Variants in PRKCA observed in about 807,000 individuals in gnomAD.
PRKCA encodes protein kinase C alpha.
PRKCA carries 27 observed loss-of-function variants against 87.0 expected under a neutral mutation model. The observed-to-expected ratio is 0.31, with a 90% CI of 0.23 to 0.43. PRKCA has a LOEUF of 0.43. Ranked by LOEUF, PRKCA falls within the 20% of genes least tolerant of loss-of-function variation. The probability of loss-of-function intolerance (pLI) is 1.00; values close to 1 mark genes in which losing one functional copy is unlikely to be tolerated. For synonymous variants in PRKCA, 329 were observed against 311.1 expected (o/e 1.06, Z -0.61); for missense variants, 518 against 852.3 (o/e 0.61, Z 4.88).
chr17:66,732,865 A>G (rs1161657099), intron 9 of PRKCA, 40 bp downstream of exon 9: 1 of 1,593,440 alleles, frequency 6.3e-7, no homozygotes, highest in African/African-American at 1.4e-5. Flanking sequence ...GGGCTTCTGC[A>G]GAGAATGTCG....
chr17:66,334,748 A>G (rs1228830107), intron 2 of PRKCA, among the ~76,000 whole-genome samples: 1 of 152,166 alleles, frequency 6.6e-6, no homozygotes, highest in African/African-American at 2.4e-5. Context: ...CAGCAATTCC[A>G]CTTCTGGGTA....
At chr17:66,442,491 C>T (rs1488155097) in intron 2 of PRKCA, among the ~76,000 whole-genome samples, 1 of 152,124 alleles carries the variant, frequency 6.6e-6, no homozygotes, top group African/African-American at 2.4e-5. Flanking sequence ...CCCACGCTTT[C>T]TGCCTGTAAT....
chr17:66,756,486 T>C (rs977185469), intron 13 of PRKCA, among the ~76,000 whole-genome samples: 1 of 152,040 alleles, frequency 6.6e-6, no homozygotes, highest in African/African-American at 2.4e-5. Flanking sequence ...AAGGTTCATG[T>C]ACTACAGTTC....
intron 13 of PRKCA, among the ~76,000 whole-genome samples, chr17:66,773,422 T>C (rs1974983003): frequency 6.6e-6 from 1 of 152,058 alleles, no homozygotes; most frequent in Admixed American, 6.6e-5. Context: ...TATTATACTC[T>C]TAGTAAAGCC....
chr17:66,732,087 C>A (rs1973912720), intron 8 of PRKCA, among the ~76,000 whole-genome samples: 1 of 140,206 alleles, frequency 7.1e-6, no homozygotes, highest in African/African-American at 2.7e-5. Flanking sequence ...ATCACCATGT[C>A]TTTTTGTGAG....
Position 66,689,055 on chromosome 17 carries a change from T to A in PRKCA, c.918+8T>A. 2 of 1,559,558 alleles carry A rather than the reference T, an allele frequency of 1.3e-6. No individual in the cohort carries two copies. Among genetic ancestry groups the A allele is most frequent in the Non-Finnish European group, 1.7e-6 (2 of 1,143,598 alleles). On this transcript the variant is annotated splice_region_variant and intron_variant, in intron 8 of 16. Transcript: ENST00000413366. The surrounding 1 kb of genome is among the most constrained non-coding windows in gnomAD (Gnocchi z 4.1). ...CTCAGGCAGAAATTCGAGGTGAGGA[T>A]AACAAAATGCCCGGAAACACCTTTC... is the stretch of plus-strand genomic sequence containing the variant.
chr17:66,762,381 G>C (rs1324089970), intron 13 of PRKCA, among the ~76,000 whole-genome samples: 1 of 152,144 alleles, frequency 6.6e-6, no homozygotes, highest in Non-Finnish European at 1.5e-5. Flanking sequence ...CCACCTGCTT[G>C]TCAGGTGGGT....
chr17:66,413,777 G>A (rs1911956544), intron 2 of PRKCA, among the ~76,000 whole-genome samples: 1 of 152,130 alleles, frequency 6.6e-6, no homozygotes, highest in Admixed American at 6.6e-5. Context: ...ATTTTGGGAG[G>A]CCAAGGCAGG....
chr17:66,694,357 C>T (rs1224975899), intron 8 of PRKCA, among the ~76,000 whole-genome samples: 1 of 151,706 alleles, frequency 6.6e-6, no homozygotes, highest in Admixed American at 6.6e-5. Flanking sequence ...TGGCGGGCGC[C>T]TGTAATCCCA....
At chr17:66,543,784 C>G (rs1968061181) in intron 3 of PRKCA, among the ~76,000 whole-genome samples, 1 of 152,166 alleles carries the variant, frequency 6.6e-6, no homozygotes, top group Admixed American at 6.5e-5. Context: ...AGGCTACACC[C>G]CAAAGTTCTG....
intron 2 of PRKCA, among the ~76,000 whole-genome samples, chr17:66,429,910 T>G (rs1913013186): frequency 6.6e-6 from 1 of 152,138 alleles, no homozygotes; most frequent in Non-Finnish European, 1.5e-5. Context: ...TCTTAGCAGA[T>G]TTGGGTTCAT....
rs1199191426 is a variant in PRKCA at position 66,402,843 on chromosome 17, T to C, written c.206-93358T>C. Among the ~76,000 whole-genome samples, 5 of 152,176 alleles carry C rather than the reference T, an allele frequency of 3.3e-5. No homozygotes were observed. The South Asian group carries it at 1.0e-3, about 32-fold the overall frequency. ...TGGGCTGAAAGCTTTGTGAAATTTG[T>C]TTTTTTAAATGAAGATGAAAAGTTT... On this transcript the variant is annotated intron_variant, in intron 2 of 16. Transcript: ENST00000413366.
intron 1 of PRKCA, 80 bp downstream of exon 1, chr17:66,303,104 C>T (rs904654023): frequency 1.9e-6 from 3 of 1,543,290 alleles, no homozygotes; most frequent in East Asian, 2.5e-5. Context: ...CGCGTCCGCC[C>T]CGGGGCTGGC....
intron 3 of PRKCA, among the ~76,000 whole-genome samples, chr17:66,567,467 C>G (rs1968937146): frequency 6.6e-6 from 1 of 152,164 alleles, no homozygotes; most frequent in Non-Finnish European, 1.5e-5. Flanking sequence ...GGAGATCCTG[C>G]CAGGCCACAG....
chr17:66,378,134 G>A (rs1403202786), intron 2 of PRKCA, among the ~76,000 whole-genome samples: 1 of 151,914 alleles, frequency 6.6e-6, no homozygotes, highest in Non-Finnish European at 1.5e-5. Context: ...ACCAGCCTGG[G>A]CAACATGGCA....
At position 66,419,118 on chromosome 17, in the gene PRKCA, C is replaced by T. The variant is rs543810194; in HGVS notation, c.206-77083C>T. Among the ~76,000 whole-genome samples, 80 of 152,070 alleles carry T rather than the reference C, an allele frequency of 5.3e-4. 1 individual carries two copies. The highest frequency in any genetic ancestry group is 1.7e-3 in the African/African-American group (72 of 41,462). On this transcript the variant is annotated intron_variant, in intron 2 of 16. Transcript: ENST00000413366. Reference sequence around the variant, plus strand: ...GATCAGTTGGATCCTCCATATCTTGCGTATATACATGGGCTCAATTATTAT... The same window carrying T: ...GATCAGTTGGATCCTCCATATCTTGTGTATATACATGGGCTCAATTATTAT...
At chr17:66,506,038 A>G (rs1264839890) in intron 3 of PRKCA, among the ~76,000 whole-genome samples, 1 of 152,158 alleles carries the variant, frequency 6.6e-6, no homozygotes, top group Non-Finnish European at 1.5e-5. Context: ...GCTCATGCCT[A>G]TAATCCCAGC....
At chr17:66,510,897 C>T (rs1205559702) in intron 3 of PRKCA, among the ~76,000 whole-genome samples, 1 of 152,074 alleles carries the variant, frequency 6.6e-6, no homozygotes, top group Non-Finnish European at 1.5e-5. Flanking sequence ...CAGGCGTGCA[C>T]CACCATGCCC....
intron 3 of PRKCA, among the ~76,000 whole-genome samples, chr17:66,603,315 A>G (rs940013283): frequency 1.3e-5 from 2 of 152,196 alleles, no homozygotes; most frequent in African/African-American, 2.4e-5. Flanking sequence ...GAACACTATC[A>G]TCGCAGATGC....
Sources: gnomAD v4.1 joint callset for allele counts (sites outside exome capture counted in the v4.1 genomes callset) on GRCh38, gnomAD v4.1.1 for gene constraint, Gnocchi (gnomAD v3.1) non-coding constraint, MANE v1.5 for transcripts, NCBI Gene and HGNC (gene_info 2026-07-23, HGNC 2026-07-21) for gene names.